FGD6: variants seen among roughly 807,000 people sequenced by gnomAD.
FGD6 encodes the protein FYVE, RhoGEF and PH domain-containing protein 6.
FGD6 carries 90 observed loss-of-function variants against 149.4 expected under a neutral mutation model. The observed-to-expected ratio is 0.60, with a 90% CI of 0.51 to 0.72. FGD6 has a LOEUF of 0.72. FGD6 is among the 30% of genes least tolerant of loss of function. The probability of loss-of-function intolerance (pLI) is 0.00; values close to 1 mark genes in which losing one functional copy is unlikely to be tolerated. For synonymous variants in FGD6, 527 were observed against 584.0 expected (o/e 0.90, Z 1.41); for missense variants, 1,437 against 1,684.8 (o/e 0.85, Z 2.57).
At position 95,209,149 on chromosome 12, in the gene FGD6, C is replaced by T; in HGVS notation, c.2135G>A (p.Ser712Asn). Reference protein sequence around the residue: ...KKRKKSRGQTSAANGLRAESL... With the variant: ...KKRKKSRGQTNAANGLRAESL... ...CTCAGCTCTCAGACCATTAGCTGCACTGGTCTGGCCCCGAGACTTCTTCCT... is the reference window on the plus strand; with the variant it reads ...CTCAGCTCTCAGACCATTAGCTGCATTGGTCTGGCCCCGAGACTTCTTCCT... The change falls in exon 2 of 21, where the codon AGT becomes AAT. Residue 712 changes from serine to asparagine, a missense_variant. Physicochemically the swap from Ser to Asn is conservative, Grantham distance 46 (BLOSUM62 1). Around this residue, in one of 2 missense-constraint regions of FGD6, gnomAD observed 1,055 missense variants for 1,146.0 expected, o/e 0.92. Transcript: ENST00000343958. 6.2e-7 allele frequency: 1 copy of T among 1,614,180 alleles called. No individual in the cohort carries two copies. The highest frequency in any genetic ancestry group is 1.1e-5 in the South Asian group (1 of 91,084).
At chr12:95,167,577 G>GTT (rs57751064) in intron 3 of FGD6, among the ~76,000 whole-genome samples, 10,829 of 138,246 alleles carry the variant, frequency 0.078, 629 homozygotes, top group East Asian at 0.24. Flanking sequence ...ACTGTTTGAG[G>GTT]TTTTTTTTTT....
At chr12:95,129,299 G>A (rs866288105) in intron 8 of FGD6, among the ~76,000 whole-genome samples, 1 of 82,382 alleles carries the variant, frequency 1.2e-5, no homozygotes, top group Non-Finnish European at 2.5e-5. Context: ...ATGCATCCAT[G>A]CATGCATGCA....
rs1050666277 is a variant in FGD6, at chr12:95,078,074, A to G, written c.*3446T>C. ...CCTAGGAAGCCAGGCCTGGTGGTGC[A>G]TGCCCCTGTAGTCCCAGCTACTCCA... On this transcript the variant is annotated 3_prime_UTR_variant, in exon 21 of 21. Coordinates refer to ENST00000343958, the MANE Select transcript of FGD6 (RefSeq NM_018351.4). 6.6e-6 allele frequency: 1 copy of G among 152,208 alleles called. No individual in the cohort carries two copies. Among genetic ancestry groups the G allele is most frequent in the African/African-American group, 2.4e-5 (1 of 41,442 alleles). 9.4% of individuals were successfully genotyped at this position (152,208 alleles called of 1,614,324 possible).
chr12:95,215,391 A>C (rs1286088255), intron 1 of FGD6, among the ~76,000 whole-genome samples: 1 of 152,218 alleles, frequency 6.6e-6, no homozygotes, highest in Non-Finnish European at 1.5e-5. Flanking sequence ...TAAACGTTTC[A>C]ATGAATTTGA....
In FGD6 at chr12:95,209,047, G is replaced by A. The variant is rs757525900; in HGVS notation, c.2237C>T (p.Pro746Leu). The change falls in exon 2 of 21, where the codon CCG becomes CTG. Residue 746 changes from proline (P) to leucine (L), a missense_variant. This residue lies in a region of FGD6 where 1,055 missense variants were observed against 1,146.0 expected (regional missense o/e 0.92). Transcript: ENST00000343958. ...PYKSVTSLCAPEYENIRHYEE... is the reference protein window; with the variant it reads ...PYKSVTSLCALEYENIRHYEE... ...ATAATGGCGTATATTTTCATACTCCGGTGCACAGAGGCTTGTAACAGACTT... is the reference window on the plus strand; with the variant it reads ...ATAATGGCGTATATTTTCATACTCCAGTGCACAGAGGCTTGTAACAGACTT... 36 of 1,613,858 alleles carry A rather than the reference G, an allele frequency of 2.2e-5. No homozygotes were observed. The highest frequency in any genetic ancestry group is 3.3e-4 in the Middle Eastern group (2 of 6,084).
chr12:95,143,400 C>A (rs1454137844), intron 5 of FGD6, among the ~76,000 whole-genome samples: 1 of 151,610 alleles, frequency 6.6e-6, no homozygotes, highest in Non-Finnish European at 1.5e-5. Context: ...GTCCAGTCCT[C>A]TTATGCTTAA....
intron 5 of FGD6, among the ~76,000 whole-genome samples, 198 bp from the exon 6 acceptor site, chr12:95,141,737 G>A (rs966745246): frequency 1.6e-4 from 24 of 152,024 alleles, no homozygotes; most frequent in Non-Finnish European, 1.3e-4. Flanking sequence ...ATAGTGAGAC[G>A]ATTATTTGAT....
intron 1 of FGD6, among the ~76,000 whole-genome samples, 199 bp downstream of exon 1, chr12:95,217,026 G>T (rs765826877): frequency 7.9e-5 from 12 of 152,202 alleles, no homozygotes; most frequent in South Asian, 2.1e-4. Flanking sequence ...AGAAATCCCG[G>T]GTTTCCAAAC....
intron 2 of FGD6, among the ~76,000 whole-genome samples, chr12:95,178,250 C>T (rs756885340): frequency 9.2e-5 from 14 of 152,064 alleles, no homozygotes; most frequent in African/African-American, 2.7e-4. Context: ...AAAAAGCAAC[C>T]GTCACGTATG....
rs1174182426 is a variant in FGD6, at chr12:95,210,263, G to T, written c.1021C>A (p.Pro341Thr). 1 of 1,613,716 alleles carries T rather than the reference G, an allele frequency of 6.2e-7. No individual in the cohort carries two copies. The highest frequency in any genetic ancestry group is 1.7e-5 in the Admixed American group (1 of 59,984). ...VDTPSESTEE[P>T]GNSDSSSSCL... The stretch of plus-strand genomic sequence containing the variant: ...GAAGAGCTACTGTCTGAATTCCCCG[G>T]TTCTTCAGTGCTTTCACTAGGAGTA... Residue 341 changes from proline (P) to threonine (T), a missense_variant, in exon 2 of 21, where the codon CCG becomes ACG. Around this residue, in one of 2 missense-constraint regions of FGD6, gnomAD observed 1,055 missense variants for 1,146.0 expected, o/e 0.92. Transcript: ENST00000343958.
At chr12:95,176,843 T>A (rs1474835514) in intron 2 of FGD6, among the ~76,000 whole-genome samples, 3 of 152,192 alleles carry the variant, frequency 2.0e-5, no homozygotes, top group African/African-American at 7.2e-5. Flanking sequence ...TATTATTATT[T>A]TTTGAGATGG....
chr12:95,147,710 T>G (rs1565907885), intron 5 of FGD6, among the ~76,000 whole-genome samples: 1 of 152,196 alleles, frequency 6.6e-6, no homozygotes, highest in Non-Finnish European at 1.5e-5. Flanking sequence ...GGGTTATTTT[T>G]GACAGTTAGC....
At position 95,217,222 on chromosome 12, in the gene FGD6, T is replaced by A. The variant is rs1490237819; in HGVS notation, c.16+3A>T. On this transcript the variant is annotated splice_donor_region_variant and intron_variant, in intron 1 of 20. Coordinates refer to ENST00000343958, the MANE Select transcript of FGD6 (RefSeq NM_018351.4). ...CCGCGGCAGCGCGAGCGCCGTCACTTACCGGCTGCAGAAGTCATGATTCCC... is the reference window on the plus strand; with the variant it reads ...CCGCGGCAGCGCGAGCGCCGTCACTAACCGGCTGCAGAAGTCATGATTCCC... 2 of 1,612,172 alleles carry A rather than the reference T, an allele frequency of 1.2e-6. No homozygotes were observed. The highest frequency in any genetic ancestry group is 2.7e-5 in the African/African-American group (2 of 74,828).
At chr12:95,184,897 G>C (rs867976187) in intron 2 of FGD6, among the ~76,000 whole-genome samples, 2 of 141,924 alleles carry the variant, frequency 1.4e-5, no homozygotes, top group Middle Eastern at 4.5e-3. Context: ...TTTTTGAGAC[G>C]GAGTCTCACT....
At chr12:95,104,972 A>AAG in intron 14 of FGD6, 35 bp downstream of exon 14, 2 of 12,926 alleles carry the variant, frequency 1.5e-4, no homozygotes, top group Non-Finnish European at 1.8e-4. Flanking sequence ...TCAGAATGAG[A>AAG]AAAAAAAAAA....
At chr12:95,115,939 A>G (rs2136245748) in intron 8 of FGD6, among the ~76,000 whole-genome samples, 1 of 151,934 alleles carries the variant, frequency 6.6e-6, no homozygotes, top group Non-Finnish European at 1.5e-5. Flanking sequence ...ATGTATAAAC[A>G]TATTAAGCTT....
intron 3 of FGD6, among the ~76,000 whole-genome samples, chr12:95,158,319 C>T (rs184980093): frequency 9.4e-4 from 142 of 151,648 alleles, no homozygotes; most frequent in African/African-American, 3.2e-3. Flanking sequence ...AGGTGTGTGC[C>T]ACCATGCACG....
At chr12:95,181,367 A>G (rs2136288208) in intron 2 of FGD6, among the ~76,000 whole-genome samples, 1 of 152,298 alleles carries the variant, frequency 6.6e-6, no homozygotes, top group Admixed American at 6.5e-5. Context: ...TATCTTAATG[A>G]CACAGGAGGA....
At chr12:95,148,671 GCATATGTTATATTATATA>G (rs1880113119) in intron 5 of FGD6, among the ~76,000 whole-genome samples, 1 of 108,836 alleles carries the variant, frequency 9.2e-6, no homozygotes, top group Non-Finnish European at 1.7e-5. Flanking sequence ...ATAATACATA[GCATATGTTATATTATATA>G]TATTATATAT....
Sources: allele counts gnomAD v4.1 joint callset (sites outside exome capture counted in the v4.1 genomes callset), GRCh38; gene constraint gnomAD v4.1.1; regional missense constraint gnomAD v4.1.1; transcripts MANE v1.5; gene names NCBI Gene and HGNC (gene_info 2026-07-23, HGNC 2026-07-21).